Variants in CREB5 observed in about 807,000 individuals in gnomAD.
The protein encoded by CREB5 is cAMP responsive element binding protein 5, also known as cyclic AMP-responsive element-binding protein 5.
A neutral mutation model predicts 57.1 loss-of-function variants in CREB5; 19 were observed. The ratio of observed to expected loss-of-function variants is 0.33; its 90% CI spans 0.23 to 0.49. The LOEUF (loss-of-function observed/expected upper bound fraction) is 0.49, where lower values mean the gene tolerates loss of function less well. Among genes scored for constraint, CREB5 ranks in the 20% least tolerant of loss-of-function variants. The pLI, the probability that CREB5 is intolerant of heterozygous loss-of-function variation, is 0.99. For missense variants in CREB5, 579 were observed against 671.6 expected (o/e 0.86, Z 1.52); for synonymous variants, 238 against 238.3 (o/e 1.00, Z 0.01).
intron 5 of CREB5, among the ~76,000 whole-genome samples, chr7:28,596,022 G>C (rs1386164264): frequency 6.6e-6 from 1 of 152,204 alleles, no homozygotes; most frequent in African/African-American, 2.4e-5. Context: ...CTAAATCACA[G>C]TATCATGCAA....
intron 7 of CREB5, among the ~76,000 whole-genome samples, chr7:28,802,302 T>A (rs1282723268): frequency 6.6e-6 from 1 of 152,112 alleles, no homozygotes; most frequent in Admixed American, 6.6e-5. Context: ...CAGTCTACCA[T>A]CCTTTCCTCT....
intron 5 of CREB5, among the ~76,000 whole-genome samples, chr7:28,602,517 A>G (rs1796959849): frequency 6.6e-6 from 1 of 152,230 alleles, no homozygotes; most frequent in Non-Finnish European, 1.5e-5. Context: ...GTCATGGAAT[A>G]TTATTCAGCA....
chr7:28,472,548 C>T (rs561056837), intron 1 of CREB5, among the ~76,000 whole-genome samples: 141 of 152,246 alleles, frequency 9.3e-4, no homozygotes, highest in South Asian at 4.4e-3. Context: ...TACCCCTCAC[C>T]GCTAGGACAA....
intron 1 of CREB5, among the ~76,000 whole-genome samples, chr7:28,358,885 G>C (rs1437226763): frequency 1.3e-5 from 2 of 152,196 alleles, no homozygotes; most frequent in Non-Finnish European, 2.9e-5. Context: ...AAGTGACTTG[G>C]TATACGTATT....
At chr7:28,366,718 T>G (rs572158693) in intron 1 of CREB5, among the ~76,000 whole-genome samples, 2 of 152,224 alleles carry the variant, frequency 1.3e-5, no homozygotes, top group African/African-American at 2.4e-5. Flanking sequence ...ACATTGGACA[T>G]CCTTCTGCAA....
At chr7:28,538,038 T>C (rs963745162) in intron 4 of CREB5, among the ~76,000 whole-genome samples, 12 of 140,366 alleles carry the variant, frequency 8.5e-5, no homozygotes, top group Admixed American at 6.0e-4. Flanking sequence ...GTTGTTGTTG[T>C]TGTTATCGTT....
intron 5 of CREB5, among the ~76,000 whole-genome samples, chr7:28,605,744 G>T (rs1215108232): frequency 6.6e-6 from 1 of 151,088 alleles, no homozygotes; most frequent in Non-Finnish European, 1.5e-5. Flanking sequence ...CAAAATGAGG[G>T]GTTTCACAAA....
In CREB5 at chr7:28,441,479, T is replaced by G. The variant is rs145663883; in HGVS notation, c.3+28562T>G. Among the ~76,000 whole-genome samples, 12 of 152,340 alleles carry G rather than the reference T, an allele frequency of 7.9e-5. No individual in the cohort carries two copies. In the East Asian group the frequency reaches 2.1e-3, roughly 27 times the overall value. ...CTTCCCATCAGTAAAGTCGGGCTAA[T>G]ATTTATTTTGCCTACCTCCCAGAAT... On this transcript the variant is annotated intron_variant, in intron 1 of 10. Transcript: ENST00000357727.
intron 4 of CREB5, among the ~76,000 whole-genome samples, chr7:28,515,529 A>T (rs946362679): frequency 2.6e-5 from 4 of 152,068 alleles, no homozygotes; most frequent in African/African-American, 4.8e-5. Context: ...CTCACTCAAC[A>T]TGCCGGAAAC....
chr7:28,661,765 G>C (rs533574710), intron 5 of CREB5, among the ~76,000 whole-genome samples: 95 of 152,208 alleles, frequency 6.2e-4, no homozygotes, highest in African/African-American at 2.1e-3. Context: ...CATGTACTAG[G>C]GATCCCTCTC....
chr7:28,755,414 T>C (rs923300219), intron 7 of CREB5, among the ~76,000 whole-genome samples: 1 of 152,172 alleles, frequency 6.6e-6, no homozygotes, highest in African/African-American at 2.4e-5. Context: ...GTAGACCTGT[T>C]GAGTTGAGAA....
At chr7:28,443,119 G>T (rs1335623559) in intron 1 of CREB5, among the ~76,000 whole-genome samples, 1 of 152,186 alleles carries the variant, frequency 6.6e-6, no homozygotes, top group African/African-American at 2.4e-5. Context: ...TTTCATGGAT[G>T]CTGGCAGTAG....
chr7:28,786,033 A>G (rs992501745), intron 7 of CREB5, among the ~76,000 whole-genome samples: 1 of 152,138 alleles, frequency 6.6e-6, no homozygotes, highest in African/African-American at 2.4e-5. Flanking sequence ...AGGGGAACAG[A>G]TGATGATAGT....
At chr7:28,630,575 T>C (rs6955634) in intron 5 of CREB5, among the ~76,000 whole-genome samples, 9,695 of 152,130 alleles carry the variant, frequency 0.064, 437 homozygotes, top group East Asian at 0.14. Context: ...GCTGAAAAAG[T>C]TCGAAAAAAT....
At chr7:28,399,640 TC>T (rs768038421) in intron 1 of CREB5, among the ~76,000 whole-genome samples, 5 of 152,116 alleles carry the variant, frequency 3.3e-5, no homozygotes, top group Non-Finnish European at 7.4e-5. Context: ...ATTTGGCCTG[TC>T]ATAGTGTCTC....
At chr7:28,547,283 C>T (rs1035805964) in intron 4 of CREB5, among the ~76,000 whole-genome samples, 1 of 152,178 alleles carries the variant, frequency 6.6e-6, no homozygotes, top group East Asian at 1.9e-4. Flanking sequence ...CTTAGATCTC[C>T]ATATCAGCAC....
At chr7:28,331,142 G>T (rs777858774) in intron 1 of CREB5, among the ~76,000 whole-genome samples, 60 of 152,026 alleles carry the variant, frequency 3.9e-4, no homozygotes, top group Non-Finnish European at 6.9e-4. Flanking sequence ...CCATAACATG[G>T]TTCTTAGTTT....
intron 7 of CREB5, among the ~76,000 whole-genome samples, chr7:28,727,692 G>A (rs552199281): frequency 6.6e-6 from 1 of 152,294 alleles, no homozygotes; most frequent in East Asian, 1.9e-4. Context: ...AGGGTTAGGG[G>A]TGGAGATGTG....
At chr7:28,671,702 G>A (rs73304938) in intron 5 of CREB5, among the ~76,000 whole-genome samples, 5,617 of 152,276 alleles carry the variant, frequency 0.037, 358 homozygotes, top group African/African-American at 0.13. Flanking sequence ...GTGGATTAGA[G>A]TATGAACACA....
Sources: allele counts gnomAD v4.1 joint callset (sites outside exome capture counted in the v4.1 genomes callset), GRCh38; gene constraint gnomAD v4.1.1; transcripts MANE v1.5; gene names NCBI Gene and HGNC (gene_info 2026-07-23, HGNC 2026-07-21).